CFAP69: variants seen among roughly 807,000 people sequenced by gnomAD.
The protein encoded by CFAP69 is cilia and flagella associated protein 69.
A neutral mutation model predicts 123.0 loss-of-function variants in CFAP69; 92 were observed. The observed-to-expected ratio is 0.75, with a 90% confidence interval of 0.63 to 0.89. CFAP69 has a LOEUF of 0.89. Among genes scored for constraint, CFAP69 ranks in the 40% least tolerant of loss-of-function variants. The pLI is 0.00. For missense variants in CFAP69, 1,067 were observed against 1,096.9 expected (o/e 0.97, Z 0.39); for synonymous variants, 380 against 364.3 (o/e 1.04, Z -0.49).
intron 1 of CFAP69, among the ~76,000 whole-genome samples, chr7:90,250,806 C>T (rs981372696): frequency 3.9e-5 from 6 of 152,118 alleles, no homozygotes; most frequent in African/African-American, 1.4e-4. Context: ...TCATCTCCAA[C>T]CCCCAACACA....
chr7:90,288,834 C>T (rs928229357), intron 15 of CFAP69, among the ~76,000 whole-genome samples: 2 of 151,756 alleles, frequency 1.3e-5, no homozygotes, highest in Non-Finnish European at 2.9e-5. Flanking sequence ...ACTAAACTTA[C>T]TTTTAAAATA....
At chr7:90,293,103 C>T (rs17863977) in intron 15 of CFAP69, among the ~76,000 whole-genome samples, 8,115 of 152,172 alleles carry the variant, frequency 0.053, 272 homozygotes, top group Non-Finnish European at 0.077. Flanking sequence ...GAATTGTAGG[C>T]GTTTCCCATC....
At chr7:90,257,389 A>G (rs1797780599) in intron 2 of CFAP69, among the ~76,000 whole-genome samples, 1 of 152,182 alleles carries the variant, frequency 6.6e-6, no homozygotes, top group South Asian at 2.1e-4. Flanking sequence ...TGATCAAGTC[A>G]GAGTATTTAG....
At chr7:90,314,100 C>T (rs1794560100), downstream of CFAP69, among the ~76,000 whole-genome samples, 1 of 152,056 alleles carries the variant, frequency 6.6e-6, no homozygotes, top group African/African-American at 2.4e-5. Flanking sequence ...CTGACCAGTA[C>T]TCAAAATTGT....
intron 21 of CFAP69, 70 bp downstream of exon 21, chr7:90,307,924 C>A: frequency 1.0e-6 from 1 of 960,338 alleles, no homozygotes; most frequent in South Asian, 1.5e-5. Context: ...TTTTCAGGAA[C>A]AAATATTCAT....
the CFAP69 span, chr7:90,321,256 C>G: frequency 6.6e-6 from 1 of 151,922 alleles, no homozygotes; most frequent in African/African-American, 2.4e-5. Flanking sequence ...TGGCTCACCG[C>G]GGGTGGAGCT....
At chr7:90,270,629 T>C (rs893666945) in intron 6 of CFAP69, among the ~76,000 whole-genome samples, 4 of 152,032 alleles carry the variant, frequency 2.6e-5, no homozygotes, top group African/African-American at 9.7e-5. Context: ...AGATCATATT[T>C]ACAAAGATAA....
chr7:90,295,685 C>T (rs1271218484), intron 15 of CFAP69, among the ~76,000 whole-genome samples: 2 of 152,088 alleles, frequency 1.3e-5, no homozygotes, highest in Admixed American at 1.3e-4. Flanking sequence ...CAGGGTGAGT[C>T]CACAGAGTAA....
In CFAP69 at chr7:90,308,581, G is replaced by A. The variant is rs115801020; in HGVS notation, c.2551-682G>A. On this transcript the variant is annotated intron_variant, in intron 21 of 22. Transcript: ENST00000389297. ...TAAATGTTAAGTTAGTCCACAAGACGGTGGAACCATATTAAGATAGCAAAA... is the reference window on the plus strand; with the variant it reads ...TAAATGTTAAGTTAGTCCACAAGACAGTGGAACCATATTAAGATAGCAAAA... Among the ~76,000 whole-genome samples the A allele has an allele frequency of 8.2e-3, 1,242 of 152,160 alleles. 16 individuals carry two copies. The highest frequency in any genetic ancestry group is 0.029 in the African/African-American group (1,184 of 41,522).
rs558540100 is a variant in CFAP69, at chr7:90,306,917, A to T, written c.2282A>T (p.Asn761Ile). The change falls in exon 20 of 23, where the codon AAT (asparagine) becomes ATT (isoleucine). Residue 761 changes from asparagine (N) to isoleucine (I), a missense_variant. Asn to Ile is a moderately radical substitution (Grantham distance 149). Transcript: ENST00000389297. Reference sequence around the variant, plus strand: ...TTATAACAGATTGGAGAAATATGGAATGAAATATATGAAGAAATAAAATTA... The same window carrying T: ...TTATAACAGATTGGAGAAATATGGATTGAAATATATGAAGAAATAAAATTA... ...YLDFKIGEIWNEIYEEIKLEK... is the reference protein window; with the variant it reads ...YLDFKIGEIWIEIYEEIKLEK... The T allele has an allele frequency of 7.9e-6, 12 of 1,520,894 alleles. No individual in the cohort carries two copies. In the South Asian group the frequency reaches 1.4e-4, roughly 18 times the overall value. The allele number at this position is 1,520,894 out of a possible 1,614,324, so 94.2% of individuals were successfully genotyped here. A position where few individuals can be genotyped will look rare whatever the true frequency, so the allele number is the denominator to read the frequency against.
Position 90,262,069 on chromosome 7 carries a change from TCTTTAA to T in CFAP69, c.356+19_356+24del, listed in dbSNP as rs755941494. On this transcript the variant is annotated intron_variant, in intron 4 of 22. Transcript: ENST00000389297. ...TAAAACTGTGTGGGTAAGTTATCTT[TCTTTAA>T]CTTTATTTTGTAGTAACATGGAGTA... The T allele has an allele frequency of 1.8e-5, 26 of 1,462,920 alleles. No individual in the cohort carries two copies. Among genetic ancestry groups the T allele is most frequent in the African/African-American group, 4.3e-5 (3 of 70,392 alleles). The allele number at this position is 1,462,920 out of a possible 1,614,324, so 90.6% of individuals were successfully genotyped here.
At chr7:90,290,886 C>A (rs1435261938) in intron 15 of CFAP69, among the ~76,000 whole-genome samples, 5 of 151,622 alleles carry the variant, frequency 3.3e-5, no homozygotes, top group Non-Finnish European at 7.4e-5. Flanking sequence ...CTTGCAATTT[C>A]TGGGAGGAAC....
chr7:90,269,087 T>TA (rs11408250), intron 6 of CFAP69: 68,766 of 142,876 alleles, frequency 0.48, 16,630 homozygotes, highest in Non-Finnish European at 0.56. Context: ...AAAGACAATT[T>TA]AAAAAAAAAA....
At position 90,283,051 on chromosome 7, in the gene CFAP69, T is replaced by C; in HGVS notation, c.1532T>C (p.Met511Thr). The C allele has an allele frequency of 6.5e-7, 1 of 1,546,404 alleles. No homozygotes were observed. Among genetic ancestry groups the C allele is most frequent in the Non-Finnish European group, 8.7e-7 (1 of 1,149,118 alleles). ...TGTGAAAAGGGAACAATTCAGCAAA[T>C]GATAGGTAAAATATAACATGGTGGT... ...DLCEKGTIQQMIGIFKNIISK... is the reference protein window; with the variant it reads ...DLCEKGTIQQTIGIFKNIISK... Residue 511 changes from methionine to threonine, a missense_variant, in exon 13 of 23, where the codon ATG becomes ACG. Transcript: ENST00000389297.
rs767090914 is a variant in CFAP69, at chr7:90,297,757, T to A, written c.1784T>A (p.Ile595Asn). 1.3e-6 allele frequency: 2 copies of A among 1,569,236 alleles called. No homozygotes were observed. Among genetic ancestry groups the A allele is most frequent in the East Asian group, 4.7e-5 (2 of 42,436 alleles). ...FSTLDSIWCC[I>N]LGCYPSEDYF... is the part of the protein sequence containing the mutation. Reference sequence around the variant, plus strand: ...CTTTCTTTTAATTTAAGGTGCTGTATTTTGGGATGTTATCCCTCAGAGGAT... The same window carrying A: ...CTTTCTTTTAATTTAAGGTGCTGTAATTTGGGATGTTATCCCTCAGAGGAT... The change falls in exon 16 of 23, where the codon ATT becomes AAT. Residue 595 changes from isoleucine to asparagine, a missense_variant. Ile to Asn is a moderately radical substitution (Grantham distance 149). Coordinates refer to ENST00000389297, the MANE Select transcript of CFAP69 (RefSeq NM_001039706.3).
chr7:90,249,606 T>A (rs955363970), intron 1 of CFAP69, among the ~76,000 whole-genome samples: 3 of 152,176 alleles, frequency 2.0e-5, no homozygotes, highest in African/African-American at 7.2e-5. Context: ...ACCTTAATCA[T>A]ATGTTGAAAT....
chr7:90,284,632 G>T (rs1015404), intron 13 of CFAP69, among the ~76,000 whole-genome samples: 9 of 151,832 alleles, frequency 5.9e-5, no homozygotes, highest in African/African-American at 1.9e-4. Context: ...TAAGAGGCTT[G>T]GGTAGTTTTC....
chr7:90,260,989 G>T (rs1170063342), intron 3 of CFAP69, among the ~76,000 whole-genome samples: 1 of 152,050 alleles, frequency 6.6e-6, no homozygotes, highest in African/African-American at 2.4e-5. Context: ...AAGGCTAGGA[G>T]TAATAAGATT....
At chr7:90,270,588 C>T (rs996577202) in intron 6 of CFAP69, among the ~76,000 whole-genome samples, 4 of 152,038 alleles carry the variant, frequency 2.6e-5, no homozygotes, top group Admixed American at 2.6e-4. Flanking sequence ...AAGCTCATCA[C>T]AGCATTGGAC....
Sources: gnomAD v4.1 joint callset for allele counts (sites outside exome capture counted in the v4.1 genomes callset) on GRCh38, gnomAD v4.1.1 for gene constraint, MANE v1.5 for transcripts, NCBI Gene and HGNC (gene_info 2026-07-23, HGNC 2026-07-21) for gene names.